Variants in ADAMTS20 observed in about 807,000 individuals in gnomAD.
ADAMTS20 encodes the protein A disintegrin and metalloproteinase with thrombospondin motifs 20.
In ADAMTS20, 225 loss-of-function variants were observed where a neutral mutation model predicts 260.1. The observed-to-expected ratio is 0.87, with a 90% CI of 0.78 to 0.97. The LOEUF (loss-of-function observed/expected upper bound fraction) is 0.97, where lower values mean the gene tolerates loss of function less well. Ranked by LOEUF, ADAMTS20 falls within the 50% of genes least tolerant of loss-of-function variation. ADAMTS20 has a pLI of 0.00. For missense variants in ADAMTS20, 2,400 were observed against 2,337.7 expected, an observed-to-expected ratio of 1.03 and a Z score of -0.55; for synonymous variants, 802 against 769.5, an observed-to-expected ratio of 1.04 and a Z score of -0.70.
intron 4 of ADAMTS20, 24 bp downstream of exon 4, chr12:43,502,128 A>G: frequency 1.3e-6 from 2 of 1,513,038 alleles, no homozygotes; most frequent in Non-Finnish European, 8.8e-7. Flanking sequence ...TAGGAAATAT[A>G]AAAGTCATAT....
chr12:43,353,038 CT>C (rs1939669063), downstream of ADAMTS20, among the ~76,000 whole-genome samples: 1 of 152,008 alleles, frequency 6.6e-6, no homozygotes, highest in Non-Finnish European at 1.5e-5. Context: ...CTAGTATTCA[CT>C]GGCAAAAATC....
chr12:43,470,592 C>T (rs1198060020), intron 7 of ADAMTS20, among the ~76,000 whole-genome samples: 1 of 152,152 alleles, frequency 6.6e-6, no homozygotes, highest in Non-Finnish European at 1.5e-5. Context: ...AATAAGGCAG[C>T]ATGGGCCCAA....
intron 2 of ADAMTS20, among the ~76,000 whole-genome samples, chr12:43,546,763 A>C (rs1943445578): frequency 6.6e-6 from 1 of 152,206 alleles, no homozygotes; most frequent in Non-Finnish European, 1.5e-5. Context: ...CTTATAGATA[A>C]TTTTATGATT....
intron 3 of ADAMTS20, among the ~76,000 whole-genome samples, chr12:43,511,398 C>T (rs1942922352): frequency 6.6e-6 from 1 of 151,972 alleles, no homozygotes; most frequent in Non-Finnish European, 1.5e-5. Context: ...ACACAGTCAC[C>T]ACCACCAAGC....
chr12:43,491,140 A>C (rs996214435), intron 6 of ADAMTS20, among the ~76,000 whole-genome samples: 5 of 152,174 alleles, frequency 3.3e-5, no homozygotes, highest in African/African-American at 9.6e-5. Context: ...AGATTATAAT[A>C]CCATATTTAT....
At chr12:43,511,759 A>G (rs895475015) in intron 3 of ADAMTS20, among the ~76,000 whole-genome samples, 6 of 152,162 alleles carry the variant, frequency 3.9e-5, no homozygotes, top group Admixed American at 2.6e-4. Flanking sequence ...ATAATGCTCT[A>G]TATTTGACCA....
intron 36 of ADAMTS20, among the ~76,000 whole-genome samples, chr12:43,374,044 GA>G (rs758373932): frequency 6.6e-6 from 1 of 151,924 alleles, no homozygotes. Flanking sequence ...AGGAAATGAA[GA>G]AAAAAACCTT....
intron 2 of ADAMTS20, among the ~76,000 whole-genome samples, chr12:43,538,936 A>T (rs1848898): frequency 0.011 from 1,584 of 145,976 alleles, 30 homozygotes; most frequent in African/African-American, 0.038. Context: ...TAATTCTTTA[A>T]TTTTTTTATG....
intron 28 of ADAMTS20, among the ~76,000 whole-genome samples, chr12:43,405,861 T>C (rs951992060): frequency 1.3e-5 from 2 of 152,224 alleles, no homozygotes; most frequent in African/African-American, 2.4e-5. Context: ...GCAAGGTGCA[T>C]AAGTCATCGT....
At chr12:43,397,754 T>C (rs895390060) in intron 29 of ADAMTS20, among the ~76,000 whole-genome samples, 1 of 152,200 alleles carries the variant, frequency 6.6e-6, no homozygotes, top group African/African-American at 2.4e-5. Context: ...ATAATACATC[T>C]TTTTTTGTGG....
intron 31 of ADAMTS20, among the ~76,000 whole-genome samples, chr12:43,377,801 C>CGTGTGT (rs57655714): frequency 1.3e-5 from 2 of 150,322 alleles, no homozygotes; most frequent in Non-Finnish European, 1.5e-5. Flanking sequence ...CCTGTGTGTG[C>CGTGTGT]GTGTGTGTGT....
At chr12:43,501,481 G>GCGCGCGCGCACACACACACACA (rs373746834) in intron 4 of ADAMTS20, among the ~76,000 whole-genome samples, 18 of 117,806 alleles carry the variant, frequency 1.5e-4, no homozygotes, top group Non-Finnish European at 2.7e-4. Flanking sequence ...GCGCGCGCGC[G>GCGCGCGCGCACACACACACACA]CACACACACA....
chr12:43,517,341 C>T lies in ADAMTS20; in HGVS notation c.613+14695G>A, dbSNP rs1157205416. On this transcript the variant is annotated intron_variant, in intron 3 of 38. Coordinates refer to ENST00000389420, the MANE Select transcript of ADAMTS20 (RefSeq NM_025003.5). ...AAACCACTAGAGGACATAAATTTAG[C>T]AAGGTTGCTGAATATAGGGCCAATA... Among the ~76,000 whole-genome samples the T allele has an allele frequency of 2.6e-4, 39 of 151,966 alleles. 1 individual carries two copies. Among genetic ancestry groups the T allele is most frequent in the Admixed American group, 2.5e-3 (38 of 15,250 alleles).
At chr12:43,384,423 A>G (rs1940425929) in intron 29 of ADAMTS20, among the ~76,000 whole-genome samples, 5 of 152,206 alleles carry the variant, frequency 3.3e-5, no homozygotes, top group Admixed American at 2.6e-4. Flanking sequence ...AGTACCTACT[A>G]TAGTTTGTAC....
chr12:43,545,051 G>T (rs533077584), intron 2 of ADAMTS20, among the ~76,000 whole-genome samples: 1 of 152,220 alleles, frequency 6.6e-6, no homozygotes, highest in African/African-American at 2.4e-5. Flanking sequence ...TCTTCTGGGG[G>T]ACAAAACTGC....
rs904617748 is a variant in ADAMTS20, at chr12:43,383,337, G to A, written c.4797+221C>T. 1.9e-4 allele frequency among the ~76,000 whole-genome samples: 29 copies of A among 152,220 alleles called. 1 individual carries two copies. The highest frequency in any genetic ancestry group is 7.0e-4 in the African/African-American group (29 of 41,526). On this transcript the variant is annotated intron_variant, in intron 31 of 38. Transcript: ENST00000389420. Reference sequence around the variant, plus strand: ...TTCCTGGTGGTTGGTTTCACAGTTGGCACCTACTGACACTTGAGACTTGCA... The same window carrying A: ...TTCCTGGTGGTTGGTTTCACAGTTGACACCTACTGACACTTGAGACTTGCA...
In ADAMTS20 at chr12:43,408,695, A is replaced by G. The variant is rs547790104; in HGVS notation, c.4285-9462T>C. On this transcript the variant is annotated intron_variant, in intron 28 of 38. Transcript: ENST00000389420. ...TCCATATGTAAAAAAAGCTGAGGGGAGAATGTTTTAGAGATTAATTTCATA... is the reference window on the plus strand; with the variant it reads ...TCCATATGTAAAAAAAGCTGAGGGGGGAATGTTTTAGAGATTAATTTCATA... Among the ~76,000 whole-genome samples, 3 of 152,324 alleles carry G rather than the reference A, an allele frequency of 2.0e-5. No homozygotes were observed. The South Asian group carries it at 6.2e-4, about 32-fold the overall frequency.
Position 43,430,488 on chromosome 12 carries a change from G to A in ADAMTS20, c.3262-17C>T. On this transcript the variant is annotated splice_polypyrimidine_tract_variant and intron_variant, in intron 22 of 38. Transcript: ENST00000389420. ...GGTTGTGCACTGAAAGAAGAATATA[G>A]ATATTAAAAAAACATTGTTTCCCAA... 1 of 1,595,738 alleles carries A rather than the reference G, an allele frequency of 6.3e-7. No homozygotes were observed. The highest frequency in any genetic ancestry group is 1.1e-5 in the South Asian group (1 of 86,992).
chr12:43,449,385 CA>C, intron 14 of ADAMTS20, among the ~76,000 whole-genome samples: 1 of 152,062 alleles, frequency 6.6e-6, no homozygotes, highest in East Asian at 1.9e-4. Context: ...AACACAGGAA[CA>C]GAAAGCCAAA....
Sources: allele counts gnomAD v4.1 joint callset (sites outside exome capture counted in the v4.1 genomes callset), GRCh38; gene constraint gnomAD v4.1.1; transcripts MANE v1.5; gene names NCBI Gene and HGNC (gene_info 2026-07-23, HGNC 2026-07-21).